PCDH11X: variants seen among roughly 807,000 people sequenced by gnomAD.
The protein encoded by PCDH11X is protocadherin 11 X-linked.
Under a neutral mutation model 53.3 loss-of-function variants are expected in PCDH11X, and 18 were observed. The observed-to-expected ratio is 0.34, with a 90% CI of 0.23 to 0.50. PCDH11X has a LOEUF of 0.50. Ranked by LOEUF, PCDH11X falls within the 20% of genes least tolerant of loss-of-function variation. The pLI, the probability that PCDH11X is intolerant of heterozygous loss-of-function variation, is 0.98. For synonymous variants in PCDH11X, 279 were observed against 393.3 expected, an observed-to-expected ratio of 0.71 and a Z score of 3.44; for missense variants, 570 against 1,032.4, an observed-to-expected ratio of 0.55 and a Z score of 6.14.
intron 8 of PCDH11X, among the ~76,000 whole-genome samples, chrX:92,342,699 G>A (rs1010430855): frequency 2.7e-5 from 3 of 110,827 alleles, no homozygotes; most frequent in African/African-American, 9.9e-5. Context: ...TTCAAAAGGG[G>A]GGAGTGAGGG....
At chrX:92,340,420 G>A (rs1279389434) in intron 8 of PCDH11X, among the ~76,000 whole-genome samples, 1 of 111,755 alleles carries the variant, frequency 8.9e-6, no homozygotes, top group East Asian at 2.8e-4. Context: ...CTCTGTTGAG[G>A]GCTCCATCCC....
chrX:92,319,892 C>G (rs997144858), intron 8 of PCDH11X, among the ~76,000 whole-genome samples: 10 of 111,680 alleles, frequency 9.0e-5, no homozygotes, highest in African/African-American at 3.3e-4. Context: ...TGCTAGTGGA[C>G]ACAGAATTTT....
At chrX:92,397,807 A>G (rs1237165687) in intron 9 of PCDH11X, among the ~76,000 whole-genome samples, 1 of 111,142 alleles carries the variant, frequency 9.0e-6, no homozygotes, top group African/African-American at 3.3e-5. Context: ...TTCTTCGTTC[A>G]GATAATCTTC....
At position 92,620,242 on chromosome X, in the gene PCDH11X, A is replaced by T. The variant is rs1359319425; in HGVS notation, c.*1302A>T. ...AAACCATCAAAATCTCATATATGAA[A>T]TAAAATATATTCTTCTAAGCAAAGA... On this transcript the variant is annotated 3_prime_UTR_variant, in exon 11 of 11. Coordinates refer to ENST00000682573, the MANE Select transcript of PCDH11X (RefSeq NM_032968.5). The T allele has an allele frequency of 1.8e-5, 2 of 111,270 alleles. No homozygotes were observed. The highest frequency in any genetic ancestry group is 6.5e-5 in the African/African-American group (2 of 30,670). The allele number at this position is 111,270 out of a possible 1,213,427, so 9.2% of individuals were successfully genotyped here.
At chrX:92,563,221 G>A (rs1483372367) in intron 10 of PCDH11X, among the ~76,000 whole-genome samples, 1 of 106,630 alleles carries the variant, frequency 9.4e-6, no homozygotes, top group Non-Finnish European at 1.9e-5. Flanking sequence ...CATGGTCAAA[G>A]GCAATGGGGG....
chrX:91,835,516 G>T lies in PCDH11X; in HGVS notation c.12G>T (p.Leu4Phe), dbSNP rs144734965. Residue 4 changes from leucine to phenylalanine, a missense_variant, in exon 5 of 11, where the codon TTG (leucine) becomes TTT (phenylalanine). Around this residue, in one of 6 missense-constraint regions of PCDH11X, gnomAD observed 84 missense variants for 142.0 expected, o/e 0.59. Coordinates refer to ENST00000682573, the MANE Select transcript of PCDH11X (RefSeq NM_032968.5). MDL[L>F]SGTYIFAVLL... is the part of the protein sequence containing the mutation. ...CAAGTGTACCTGGTATGGACTTGTT[G>T]TCCGGGACGTACATTTTCGCGGTCC... 3.6e-4 allele frequency: 432 copies of T among 1,209,089 alleles called. No homozygotes were observed. Among genetic ancestry groups the T allele is most frequent in the Non-Finnish European group, 4.6e-4 (414 of 895,158 alleles).
intron 6 of PCDH11X, among the ~76,000 whole-genome samples, chrX:91,926,758 G>C (rs749442112): frequency 9.0e-6 from 1 of 110,938 alleles, no homozygotes; most frequent in South Asian, 3.8e-4. Context: ...ATAATGTATA[G>C]TGATCAGATC....
chrX:92,125,691 C>A (rs2064848084), intron 6 of PCDH11X, among the ~76,000 whole-genome samples: 1 of 109,790 alleles, frequency 9.1e-6, no homozygotes, highest in African/African-American at 3.3e-5. Flanking sequence ...GGTACATGTG[C>A]ACAATGTACA....
intron 5 of PCDH11X, among the ~76,000 whole-genome samples, chrX:91,845,827 G>GT (rs1010162411): frequency 1.8e-5 from 2 of 110,010 alleles, no homozygotes; most frequent in Non-Finnish European, 3.8e-5. Context: ...CAGAAAACTA[G>GT]TTTACGTGTA....
chrX:92,442,000 G>A (rs1182543213), intron 9 of PCDH11X, among the ~76,000 whole-genome samples: 1 of 110,770 alleles, frequency 9.0e-6, no homozygotes. Context: ...GAGACATGGA[G>A]TCAAAGGATA....
intron 6 of PCDH11X, among the ~76,000 whole-genome samples, chrX:92,025,035 T>TA (rs1024520735): frequency 2.7e-5 from 3 of 111,458 alleles, no homozygotes; most frequent in African/African-American, 9.8e-5. Flanking sequence ...AAAGAAATCT[T>TA]AGGCAATACC....
At chrX:92,578,645 G>T (rs1923269476) in intron 10 of PCDH11X, among the ~76,000 whole-genome samples, 2 of 110,855 alleles carry the variant, frequency 1.8e-5, no homozygotes, top group Non-Finnish European at 3.8e-5. Flanking sequence ...GTATGTCTTT[G>T]CATGTGAGAT....
At chrX:92,179,347 C>T (rs994199090) in intron 6 of PCDH11X, among the ~76,000 whole-genome samples, 10 of 112,122 alleles carry the variant, frequency 8.9e-5, no homozygotes, top group Admixed American at 1.9e-4. Context: ...GAAGTTGCCC[C>T]TCTTTTCAAA....
chrX:92,464,990 T>C (rs1273859559), intron 9 of PCDH11X, among the ~76,000 whole-genome samples: 1 of 111,017 alleles, frequency 9.0e-6, no homozygotes, highest in Non-Finnish European at 1.9e-5. Context: ...AGTTAGCCTG[T>C]ATCACGGTTG....
intron 6 of PCDH11X, among the ~76,000 whole-genome samples, chrX:91,907,406 C>CAGAGAGAGAGAG (rs1200633473): frequency 3.2e-5 from 2 of 62,374 alleles, no homozygotes; most frequent in African/African-American, 1.4e-4. Flanking sequence ...CACACACACA[C>CAGAGAGAGAGAG]ACACACAGAG....
chrX:92,252,733 G>T (rs1489891236), intron 7 of PCDH11X, among the ~76,000 whole-genome samples: 1 of 110,548 alleles, frequency 9.0e-6, no homozygotes, highest in African/African-American at 3.3e-5. Context: ...TAAATACATT[G>T]TTTCTGGAAC....
chrX:92,197,502 T>A (rs951117771), intron 6 of PCDH11X, among the ~76,000 whole-genome samples: 7 of 112,112 alleles, frequency 6.2e-5, no homozygotes, highest in Non-Finnish European at 7.5e-5. Context: ...TTGATGAATG[T>A]TATTTCCACA....
chrX:92,234,100 A>G (rs182994839), intron 7 of PCDH11X, among the ~76,000 whole-genome samples: 121 of 112,389 alleles, frequency 1.1e-3, no homozygotes, highest in African/African-American at 3.6e-3. Context: ...AAAATGGGAA[A>G]GCACTTACCA....
chrX:92,584,120 C>G (rs1332532546), intron 10 of PCDH11X, among the ~76,000 whole-genome samples: 1 of 110,154 alleles, frequency 9.1e-6, no homozygotes, highest in Non-Finnish European at 1.9e-5. Context: ...TGGGATGCAA[C>G]TAACTAAAAC....
Sources: allele counts gnomAD v4.1 joint callset (sites outside exome capture counted in the v4.1 genomes callset), GRCh38; gene constraint gnomAD v4.1.1; regional missense constraint gnomAD v4.1.1; transcripts MANE v1.5; gene names NCBI Gene and HGNC (gene_info 2026-07-23, HGNC 2026-07-21).